PIK3C2G: variants seen among roughly 807,000 people sequenced by gnomAD.
PIK3C2G encodes phosphatidylinositol-4-phosphate 3-kinase catalytic subunit type 2 gamma.
PIK3C2G carries 168 observed loss-of-function variants against 181.1 expected under a neutral mutation model. The ratio of observed to expected loss-of-function variants is 0.93; its 90% CI spans 0.82 to 1.05. The LOEUF (loss-of-function observed/expected upper bound fraction) is 1.05. Ranked by LOEUF, PIK3C2G falls within the 50% of genes least tolerant of loss-of-function variation. The pLI is 0.00. For missense variants in PIK3C2G, 1,869 were observed against 1,732.8 expected (o/e 1.08, Z -1.40); for synonymous variants, 573 against 592.2 (o/e 0.97, Z 0.47).
At chr12:18,603,167 T>C (rs932750338) in intron 30 of PIK3C2G, among the ~76,000 whole-genome samples, 8 of 152,064 alleles carry the variant, frequency 5.3e-5, no homozygotes, top group Non-Finnish European at 8.8e-5. Flanking sequence ...GAAATAGATA[T>C]CTTAAAAAAC....
At chr12:18,634,861 A>G (rs1276610520) in intron 31 of PIK3C2G, among the ~76,000 whole-genome samples, 1 of 152,132 alleles carries the variant, frequency 6.6e-6, no homozygotes, top group Non-Finnish European at 1.5e-5. Context: ...GGATGTGAAT[A>G]TCTTCACTTT....
chr12:18,251,656 C>T (rs1049234495), intron 1 of PIK3C2G, among the ~76,000 whole-genome samples: 5 of 151,986 alleles, frequency 3.3e-5, no homozygotes, highest in African/African-American at 1.2e-4. Context: ...TACTATTATA[C>T]TTAATCTGTT....
chr12:18,304,302 G>A (rs777607267), intron 5 of PIK3C2G, among the ~76,000 whole-genome samples: 13 of 152,000 alleles, frequency 8.6e-5, no homozygotes, highest in Non-Finnish European at 1.8e-4. Context: ...TGTCACCCAG[G>A]CTGGAGTGCA....
intron 10 of PIK3C2G, among the ~76,000 whole-genome samples, 195 bp downstream of exon 10, chr12:18,343,555 G>T (rs1282223654): frequency 6.6e-6 from 1 of 151,548 alleles, no homozygotes; most frequent in Non-Finnish European, 1.5e-5. Flanking sequence ...TGATTATTCT[G>T]CAAGGGAATA....
At chr12:18,372,948 G>T (rs547391059) in intron 13 of PIK3C2G, among the ~76,000 whole-genome samples, 1 of 152,154 alleles carries the variant, frequency 6.6e-6, no homozygotes, top group African/African-American at 2.4e-5. Flanking sequence ...CGTCAAAATT[G>T]TAGACAATGA....
At chr12:18,285,526 T>A (rs1949407483) in intron 2 of PIK3C2G, 1 of 152,050 alleles carries the variant, frequency 6.6e-6, no homozygotes, top group Admixed American at 6.6e-5. Flanking sequence ...ATTTATTGTG[T>A]ATGTGGATAA....
chr12:18,382,884 T>C (rs1942932734), intron 14 of PIK3C2G, among the ~76,000 whole-genome samples: 1 of 151,914 alleles, frequency 6.6e-6, no homozygotes, highest in South Asian at 2.1e-4. Flanking sequence ...CGCAGAAAAA[T>C]ATTTAACATG....
intron 6 of PIK3C2G, chr12:18,314,750 T>C (rs1277552212): frequency 6.6e-6 from 1 of 152,248 alleles, no homozygotes; most frequent in Non-Finnish European, 1.5e-5. Context: ...AAGGTTATCG[T>C]ATTTATACTT....
chr12:18,263,535 G>C (rs554116659), intron 1 of PIK3C2G, among the ~76,000 whole-genome samples: 14 of 152,138 alleles, frequency 9.2e-5, no homozygotes, highest in African/African-American at 3.4e-4. Flanking sequence ...GTTTCTCCTT[G>C]TAGCAGTATA....
intron 5 of PIK3C2G, among the ~76,000 whole-genome samples, chr12:18,302,715 A>G (rs61914504): frequency 0.45 from 68,628 of 151,874 alleles, 15,727 homozygotes; most frequent in Non-Finnish European, 0.5. Flanking sequence ...ATGATTCCCA[A>G]GGACCTGGGC....
intron 6 of PIK3C2G, among the ~76,000 whole-genome samples, chr12:18,317,963 G>T (rs1431301965): frequency 6.6e-6 from 1 of 152,182 alleles, no homozygotes; most frequent in Admixed American, 6.5e-5. Context: ...AGTAGCTATT[G>T]ACGTCATAAA....
chr12:18,258,588 C>A (rs1948171724), upstream of PIK3C2G, among the ~76,000 whole-genome samples: 1 of 150,608 alleles, frequency 6.6e-6, no homozygotes, highest in Non-Finnish European at 1.5e-5. Flanking sequence ...CCGGATCATC[C>A]ATGTTGGCGC....
chr12:18,286,619 A>G (rs879769000), intron 2 of PIK3C2G, among the ~76,000 whole-genome samples: 25 of 152,086 alleles, frequency 1.6e-4, no homozygotes, highest in Non-Finnish European at 3.4e-4. Context: ...AATGTTCTAT[A>G]TTGTCATTGG....
intron 18 of PIK3C2G, among the ~76,000 whole-genome samples, chr12:18,425,660 G>A (rs1280723106): frequency 6.6e-6 from 1 of 151,950 alleles, no homozygotes; most frequent in African/African-American, 2.4e-5. Flanking sequence ...AAAGTGCTGG[G>A]ATTACAGGTG....
chr12:18,667,930 G>A, the PIK3C2G span, among the ~76,000 whole-genome samples: 111 of 152,112 alleles, frequency 7.3e-4, 1 homozygote, highest in African/African-American at 2.5e-3. Flanking sequence ...AGAGTGAGAC[G>A]GGGAGCAGGG....
At chr12:18,365,952 T>C (rs569853866) in intron 12 of PIK3C2G, among the ~76,000 whole-genome samples, 25 of 152,258 alleles carry the variant, frequency 1.6e-4, no homozygotes, top group African/African-American at 6.0e-4. Context: ...ATGGCTCTCT[T>C]CTCAAAACAT....
chr12:18,674,125 T>C, the PIK3C2G span, among the ~76,000 whole-genome samples: 1 of 152,168 alleles, frequency 6.6e-6, no homozygotes, highest in Admixed American at 6.5e-5. Context: ...ACAAAGAATA[T>C]TAGAGGGAAA....
chr12:18,520,934 T>A (rs910585976), intron 24 of PIK3C2G, among the ~76,000 whole-genome samples: 2 of 152,172 alleles, frequency 1.3e-5, no homozygotes, highest in African/African-American at 4.8e-5. Flanking sequence ...TGTGGGGACC[T>A]TTTTTGTTGA....
Position 18,319,890 on chromosome 12 carries a change from C to G in PIK3C2G, c.1138-1072C>G, listed in dbSNP as rs113262762. Among the ~76,000 whole-genome samples, 575 of 152,238 alleles carry G rather than the reference C, an allele frequency of 3.8e-3. 2 individuals carry two copies. The highest frequency in any genetic ancestry group is 7.0e-3 in the Non-Finnish European group (473 of 68,004). On this transcript the variant is annotated intron_variant, in intron 6 of 32. Transcript: ENST00000538779. ...TCCCAGTGACTCTATATGTAAATTT[C>G]TAGAAAGTAAGACTCACATCTTCGT...
Sources: gnomAD v4.1 joint callset for allele counts (sites outside exome capture counted in the v4.1 genomes callset) on GRCh38, gnomAD v4.1.1 for gene constraint, MANE v1.5 for transcripts, NCBI Gene and HGNC (gene_info 2026-07-23, HGNC 2026-07-21) for gene names.